The following MMD variants were observed in gnomAD, a reference collection of about 807,000 sequenced individuals.
MMD encodes the protein monocyte to macrophage differentiation factor.
A neutral mutation model predicts 33.6 loss-of-function variants in MMD; 22 were observed. The ratio of observed to expected loss-of-function variants is 0.66; its 90% CI spans 0.47 to 0.94. The LOEUF (loss-of-function observed/expected upper bound fraction) is 0.94, where lower values mean the gene tolerates loss of function less well. Among genes scored for constraint, MMD ranks in the 40% least tolerant of loss-of-function variants. The pLI is 0.00. For missense variants in MMD, 242 were observed against 309.8 expected, an observed-to-expected ratio of 0.78 and a Z score of 1.64; for synonymous variants, 97 against 103.2, an observed-to-expected ratio of 0.94 and a Z score of 0.36.
intron 2 of MMD, among the ~76,000 whole-genome samples, chr17:55,413,662 T>A (rs1598434816): frequency 6.6e-6 from 1 of 152,140 alleles, no homozygotes; most frequent in Non-Finnish European, 1.5e-5. Context: ...TCTTCACCAA[T>A]ATGGAATAAC....
intron 4 of MMD, chr17:55,404,906 A>G (rs977836641): frequency 2.0e-5 from 5 of 245,984 alleles, no homozygotes; most frequent in Admixed American, 6.5e-5. Context: ...TACTAAAAAT[A>G]CAAAAGTTAG....
At chr17:55,409,195 C>T (rs192350842) in intron 3 of MMD, among the ~76,000 whole-genome samples, 5 of 152,168 alleles carry the variant, frequency 3.3e-5, no homozygotes, top group Non-Finnish European at 5.9e-5. Context: ...GCAAACATTA[C>T]GTCAATGCTT....
At chr17:55,406,229 T>C (rs1162587276) in intron 4 of MMD, among the ~76,000 whole-genome samples, 1 of 152,072 alleles carries the variant, frequency 6.6e-6, no homozygotes, top group African/African-American at 2.4e-5. Context: ...ACCTCGTCTC[T>C]ACTAAAAATA....
At chr17:55,401,704 ACAG>A (rs1907336248) in intron 5 of MMD, among the ~76,000 whole-genome samples, 166 bp from the exon 6 acceptor site, 1 of 152,220 alleles carries the variant, frequency 6.6e-6, no homozygotes, top group Non-Finnish European at 1.5e-5. Flanking sequence ...TAACTAAAAC[ACAG>A]TAGCTGAGTA....
chr17:55,412,241 G>A (rs2143150848), intron 2 of MMD, among the ~76,000 whole-genome samples: 1 of 152,288 alleles, frequency 6.6e-6, no homozygotes, highest in East Asian at 1.9e-4. Context: ...AAAGTCAGTT[G>A]TTGAAGTTAT....
intron 1 of MMD, among the ~76,000 whole-genome samples, chr17:55,417,711 G>A (rs192028081): frequency 2.6e-4 from 39 of 152,276 alleles, no homozygotes; most frequent in African/African-American, 8.2e-4. Context: ...TAGAAGGACT[G>A]CTTGAGCCTC....
chr17:55,403,860 A>C lies in MMD; in HGVS notation c.353T>G (p.Leu118Arg). Residue 118 changes from leucine to arginine, a missense_variant, in exon 5 of 7, where the codon CTT becomes CGT. Transcript: ENST00000262065. ...IAASYAPWLN[L>R]RELGPLASHM... ...AGATGCCAGGGGTCCAAGTTCACGA[A>C]GATTTAACCTAAAAATGTAAACGTG... The C allele has an allele frequency of 6.2e-7, 1 of 1,612,430 alleles. No homozygotes were observed. Among genetic ancestry groups the C allele is most frequent in the Non-Finnish European group, 8.5e-7 (1 of 1,178,870 alleles).
chr17:55,406,859 G>A (rs573867389), intron 4 of MMD, among the ~76,000 whole-genome samples: 22 of 150,732 alleles, frequency 1.5e-4, no homozygotes, highest in African/African-American at 4.6e-4. Context: ...GTGAAATCCC[G>A]TCTCCCCCCA....
chr17:55,404,392 T>C, intron 4 of MMD: 1 of 866,398 alleles, frequency 1.2e-6, no homozygotes, highest in Middle Eastern at 5.9e-4. Context: ...GGTTTAAAAA[T>C]AGAACCAGCT....
intron 6 of MMD, among the ~76,000 whole-genome samples, chr17:55,398,422 C>G (rs967367719): frequency 6.6e-6 from 1 of 151,844 alleles, no homozygotes; most frequent in South Asian, 2.1e-4. Context: ...TTTAAACTCC[C>G]TGTGTGTGAA....
chr17:55,400,317 G>T (rs1907276635), intron 6 of MMD, among the ~76,000 whole-genome samples: 1 of 152,132 alleles, frequency 6.6e-6, no homozygotes, highest in African/African-American at 2.4e-5. Flanking sequence ...GGAGGCCGAG[G>T]CAGGTGGATC....
rs60189692 is a variant in MMD, at chr17:55,408,382, CA to C, written c.270-563del. Among the ~76,000 whole-genome samples the C allele has an allele frequency of 6.1e-3, 926 of 152,080 alleles. 11 individuals carry two copies. The highest frequency in any genetic ancestry group is 0.021 in the African/African-American group (874 of 41,474). On this transcript the variant is annotated intron_variant, in intron 3 of 6. Transcript: ENST00000262065. ...GAAACTAACTTAGGAAAAACAGTAA[CA>C]AAAACAAAAAATGGCACATTTACTA...
chr17:55,409,236 G>A (rs1348880185), intron 3 of MMD, among the ~76,000 whole-genome samples: 2 of 152,204 alleles, frequency 1.3e-5, no homozygotes, highest in African/African-American at 4.8e-5. Context: ...ATCCCCTGGG[G>A]AGCTTACAAA....
At chr17:55,414,101 C>T in intron 2 of MMD, 50 bp downstream of exon 2, 1 of 1,567,328 alleles carries the variant, frequency 6.4e-7, no homozygotes, top group Non-Finnish European at 8.8e-7. Context: ...CCCCTTCCTC[C>T]CACCAAAGCC....
intron 3 of MMD, among the ~76,000 whole-genome samples, chr17:55,410,169 C>T (rs560619610): frequency 2.6e-5 from 4 of 152,206 alleles, no homozygotes; most frequent in Non-Finnish European, 4.4e-5. Flanking sequence ...CTCAGTTCCC[C>T]CAAATAAAAA....
At chr17:55,408,458 G>GA (rs200894475) in intron 3 of MMD, among the ~76,000 whole-genome samples, 3,133 of 152,274 alleles carry the variant, frequency 0.021, 114 homozygotes, top group African/African-American at 0.07. Flanking sequence ...TTCCAAAACT[G>GA]AAAAGTCAGA....
At position 55,401,484 on chromosome 17, in the gene MMD, CA is replaced by C; in HGVS notation, c.500del (p.Leu167TrpfsTer3). On this transcript the variant is annotated frameshift_variant, in exon 6 of 7. Transcript: ENST00000262065. LOFTEE classifies it high-confidence loss of function. Reference sequence around the variant, plus strand: ...CATGTCTTACCATTGATGTCACCACCAAGGCTGGAGAGAATCCCATTGTGAG... The same window carrying C: ...CATGTCTTACCATTGATGTCACCACCAGGCTGGAGAGAATCCCATTGTGAG... ...FYLTMGFSPA[L>X]VVTSMNNTDG... 4 of 1,610,238 alleles carry C rather than the reference CA, an allele frequency of 2.5e-6. No homozygotes were observed. The highest frequency in any genetic ancestry group is 3.4e-6 in the Non-Finnish European group (4 of 1,178,546).
intron 3 of MMD, among the ~76,000 whole-genome samples, chr17:55,408,175 C>T (rs187453525): frequency 6.6e-6 from 1 of 152,198 alleles, no homozygotes; most frequent in East Asian, 1.9e-4. Flanking sequence ...AAATGAAGTT[C>T]CTGGAGGGCA....
At chr17:55,396,931 C>T (rs146391825) in intron 6 of MMD, among the ~76,000 whole-genome samples, 24 of 152,114 alleles carry the variant, frequency 1.6e-4, no homozygotes, top group East Asian at 9.7e-4. Flanking sequence ...GGTTATTCTA[C>T]GGATTACAGT....
Sources: gnomAD v4.1 joint callset for allele counts (sites outside exome capture counted in the v4.1 genomes callset) on GRCh38, gnomAD v4.1.1 for gene constraint, MANE v1.5 for transcripts, NCBI Gene and HGNC (gene_info 2026-07-23, HGNC 2026-07-21) for gene names.